The following DGKD variants were observed in gnomAD, a reference collection of about 807,000 sequenced individuals.
The protein encoded by DGKD is diacylglycerol kinase delta.
In DGKD, 68 loss-of-function variants were observed where a neutral mutation model predicts 154.4. That is an observed-to-expected ratio of 0.44 (90% CI 0.36 to 0.54). The LOEUF (loss-of-function observed/expected upper bound fraction) is 0.54, where lower values mean the gene tolerates loss of function less well. Ranked by LOEUF, DGKD falls within the 20% of genes least tolerant of loss-of-function variation. DGKD has a pLI of 0.00. For missense variants in DGKD, 1,343 were observed against 1,593.6 expected (o/e 0.84, Z 2.68); for synonymous variants, 693 against 638.0 (o/e 1.09, Z -1.30).
At chr2:233,361,176 G>C (rs1358840476) in intron 1 of DGKD, among the ~76,000 whole-genome samples, 1 of 152,154 alleles carries the variant, frequency 6.6e-6, no homozygotes, top group Non-Finnish European at 1.5e-5. Context: ...CAACAGTCCT[G>C]GGTGACACCC....
rs976304173 is a variant in DGKD, at chr2:233,459,699, C to G, written c.2695-58C>G. The G allele has an allele frequency of 1.6e-5, 26 of 1,585,682 alleles. No homozygotes were observed. The African/African-American group carries it at 2.8e-4, about 17-fold the overall frequency. On this transcript the variant is annotated intron_variant, in intron 22 of 29. Transcript: ENST00000264057. The surrounding 1 kb of genome is among the most constrained non-coding windows in gnomAD (Gnocchi z 5.7). ...GAAGGTCATGGTGGTGCTGATAGCACTTTTAAACCCCTGGGGGTTTTGGCT... is the reference window on the plus strand; with the variant it reads ...GAAGGTCATGGTGGTGCTGATAGCAGTTTTAAACCCCTGGGGGTTTTGGCT...
intron 1 of DGKD, among the ~76,000 whole-genome samples, chr2:233,368,653 A>C (rs1457340548): frequency 6.6e-6 from 1 of 152,202 alleles, no homozygotes; most frequent in Admixed American, 6.5e-5. Flanking sequence ...CATCCCCAGT[A>C]GAGGCAAATG....
At chr2:233,429,371 G>A in intron 3 of DGKD, 1 of 971,178 alleles carries the variant, frequency 1.0e-6, no homozygotes, top group Non-Finnish European at 1.2e-6. Context: ...ACTCACCCAG[G>A]GTGAACAGTT....
At chr2:233,428,771 G>A (rs2062402052) in intron 3 of DGKD, among the ~76,000 whole-genome samples, 1 of 152,190 alleles carries the variant, frequency 6.6e-6, no homozygotes, top group Admixed American at 6.5e-5. Flanking sequence ...AGCAAAGAGG[G>A]TCTGCCCCCA....
At chr2:233,366,239 GAC>G (rs1702021704) in intron 1 of DGKD, among the ~76,000 whole-genome samples, 1 of 152,220 alleles carries the variant, frequency 6.6e-6, no homozygotes, top group African/African-American at 2.4e-5. Context: ...GAAGGACCAT[GAC>G]CTAATTGGAT....
At chr2:233,464,080 G>A in intron 26 of DGKD, 84 bp from the exon 27 acceptor site, 1 of 1,577,014 alleles carries the variant, frequency 6.3e-7, no homozygotes, top group South Asian at 1.1e-5. Context: ...GCAGAGCCCT[G>A]GAGCGGACCT....
Position 233,438,511 on chromosome 2 carries a change from A to G in DGKD, c.1085+132A>G. 1 of 1,166,542 alleles carries G rather than the reference A, an allele frequency of 8.6e-7. No individual in the cohort carries two copies. The highest frequency in any genetic ancestry group is 1.2e-6 in the Non-Finnish European group (1 of 844,008). 72.3% of individuals were successfully genotyped at this position (1,166,542 alleles called of 1,614,324 possible). A position where few individuals can be genotyped will look rare whatever the true frequency, so the allele number is the denominator to read the frequency against. On this transcript the variant is annotated intron_variant, in intron 9 of 29. Coordinates refer to ENST00000264057, the MANE Select transcript of DGKD (RefSeq NM_152879.3). The surrounding 1 kb of genome is among the most constrained non-coding windows in gnomAD (Gnocchi z 4.1). ...AGAAAAGTTGAACTGCTTCCTTCCC[A>G]AATTGCACTTGCAGAGGTGCCCACT...
rs1344276346 is a variant in DGKD, at chr2:233,438,808, A to ATCTG, written c.1085+432_1085+433insGTCT. On this transcript the variant is annotated intron_variant, in intron 9 of 29. Coordinates refer to ENST00000264057, the MANE Select transcript of DGKD (RefSeq NM_152879.3). The surrounding 1 kb of genome is among the most constrained non-coding windows in gnomAD (Gnocchi z 4.1). ...TATCTATCTATCTATCTATCTATCT[A>ATCTG]TCTATCTGTGGGTGTATTTTCCTGG... Among the ~76,000 whole-genome samples the ATCTG allele has an allele frequency of 1.7e-4, 22 of 130,532 alleles. No individual in the cohort carries two copies. The highest frequency in any genetic ancestry group is 4.9e-4 in the Admixed American group (6 of 12,352). The allele number at this position is 130,532 out of a possible 152,430, so 85.6% of individuals were successfully genotyped here. A position where few individuals can be genotyped will look rare whatever the true frequency, so the allele number is the denominator to read the frequency against.
intron 27 of DGKD, among the ~76,000 whole-genome samples, chr2:233,465,848 TCTCATA>T (rs980777608): frequency 6.6e-6 from 1 of 152,030 alleles, no homozygotes; most frequent in Non-Finnish European, 1.5e-5. Context: ...TGTTTTTTTT[TCTCATA>T]CTCCTAATAA....
intron 3 of DGKD, among the ~76,000 whole-genome samples, chr2:233,402,240 C>T (rs1034031653): frequency 3.3e-5 from 5 of 152,204 alleles, no homozygotes; most frequent in Admixed American, 2.0e-4. Flanking sequence ...TGGCCATGCC[C>T]GAGCACCTTT....
At position 233,445,983 on chromosome 2, in the gene DGKD, C is replaced by G. The variant is rs1484168185; in HGVS notation, c.1334+221C>G. Among the ~76,000 whole-genome samples, 3 of 152,194 alleles carry G rather than the reference C, an allele frequency of 2.0e-5. No homozygotes were observed. The highest frequency in any genetic ancestry group is 4.4e-5 in the Non-Finnish European group (3 of 68,036). On this transcript the variant is annotated intron_variant, in intron 11 of 29. Transcript: ENST00000264057. This position sits in a 1 kb window ranked among gnomAD's most constrained non-coding sequence, Gnocchi z 5.5. ...AGAACCAGCCATGCCCTAGGATGAT[C>G]CAGTCTTCCCAGAAGGCCAAGCCTG...
At chr2:233,435,297 A>G (rs1335697974) in intron 5 of DGKD, among the ~76,000 whole-genome samples, 1 of 152,180 alleles carries the variant, frequency 6.6e-6, no homozygotes, top group African/African-American at 2.4e-5. Flanking sequence ...GGGCAAGGGC[A>G]TTCAGTCTGG....
At chr2:233,381,963 G>A (rs59125245) in intron 1 of DGKD, among the ~76,000 whole-genome samples, 1 of 152,218 alleles carries the variant, frequency 6.6e-6, no homozygotes, top group Admixed American at 6.5e-5. Flanking sequence ...GCCAGGTGCG[G>A]TGGCTCACGC....
chr2:233,415,630 A>G (rs747139641), intron 3 of DGKD, among the ~76,000 whole-genome samples: 1 of 152,210 alleles, frequency 6.6e-6, no homozygotes, highest in Non-Finnish European at 1.5e-5. Context: ...AGATACATTA[A>G]TTAATTAATT....
intron 1 of DGKD, among the ~76,000 whole-genome samples, chr2:233,362,061 G>A (rs576949637): frequency 6.6e-6 from 1 of 152,290 alleles, no homozygotes; most frequent in African/African-American, 2.4e-5. Flanking sequence ...GCCTCCCAAA[G>A]TGCTGGGATT....
intron 2 of DGKD, among the ~76,000 whole-genome samples, chr2:233,389,573 T>C (rs1261915915): frequency 7.0e-6 from 1 of 143,152 alleles, no homozygotes; most frequent in Non-Finnish European, 1.5e-5. Context: ...TTCCCTCAAT[T>C]AAAAAAAAAA....
At chr2:233,427,193 T>G (rs1470015097) in intron 3 of DGKD, among the ~76,000 whole-genome samples, 1 of 151,968 alleles carries the variant, frequency 6.6e-6, no homozygotes, top group East Asian at 1.9e-4. Context: ...TCTGAGGATA[T>G]TTTCTCTCTC....
chr2:233,389,694 G>A (rs1703456456), intron 2 of DGKD, among the ~76,000 whole-genome samples: 1 of 152,076 alleles, frequency 6.6e-6, no homozygotes, highest in Non-Finnish European at 1.5e-5. Flanking sequence ...TTTTCTCCAG[G>A]GTTCCTCATA....
Position 233,438,461 on chromosome 2 carries a change from A to G in DGKD, c.1085+82A>G, listed in dbSNP as rs1353335740. 6.8e-7 allele frequency: 1 copy of G among 1,467,346 alleles called. No homozygotes were observed. Among genetic ancestry groups the G allele is most frequent in the Non-Finnish European group, 9.2e-7 (1 of 1,090,768 alleles). The allele number at this position is 1,467,346 out of a possible 1,614,324, so 90.9% of individuals were successfully genotyped here. A position where few individuals can be genotyped will look rare whatever the true frequency, so the allele number is the denominator to read the frequency against. On this transcript the variant is annotated intron_variant, in intron 9 of 29. Transcript: ENST00000264057. This position sits in a 1 kb window ranked among gnomAD's most constrained non-coding sequence, Gnocchi z 4.1. ...TGTGCTTGTTAAAAAAAAAAAGTTC[A>G]AAGACACAAAGCTTTAAATAGGAAA...
Sources: allele counts gnomAD v4.1 joint callset (sites outside exome capture counted in the v4.1 genomes callset), GRCh38; gene constraint gnomAD v4.1.1; non-coding constraint Gnocchi (gnomAD v3.1); transcripts MANE v1.5; gene names NCBI Gene and HGNC (gene_info 2026-07-23, HGNC 2026-07-21).